ZNF79: variants seen among roughly 807,000 people sequenced by gnomAD.
ZNF79 encodes the protein zinc finger protein 79.
A neutral mutation model predicts 14.9 loss-of-function variants in ZNF79; 13 were observed. The observed-to-expected ratio is 0.87, with a 90% CI of 0.57 to 1.38. ZNF79 has a LOEUF of 1.38. Ranked by LOEUF, ZNF79 falls within the 40% of genes most tolerant of loss-of-function variation. The pLI is 0.00. For synonymous variants in ZNF79, 223 were observed against 235.1 expected (o/e 0.95, Z 0.47); for missense variants, 631 against 630.6 (o/e 1.00, Z -0.01).
rs1186290725 is a variant in ZNF79 at position 127,431,259 on chromosome 9, CT to C, written c.105+2353del. Among the ~76,000 whole-genome samples the C allele has an allele frequency of 2.3e-3, 312 of 138,098 alleles. 1 individual carries two copies. Among genetic ancestry groups the C allele is most frequent in the Middle Eastern group, 3.8e-3 (1 of 264 alleles). 90.6% of individuals were successfully genotyped at this position (138,098 alleles called of 152,430 possible). A position where few individuals can be genotyped will look rare whatever the true frequency, so the allele number is the denominator to read the frequency against. The stretch of plus-strand genomic sequence containing the variant: ...TCTGTTGATAGTTTCTTTTTCTTTT[CT>C]TTTTTTTTTTTTTAGAGACAGAGTC... On this transcript the variant is annotated intron_variant, in intron 2 of 4. Coordinates refer to ENST00000342483, the MANE Select transcript of ZNF79 (RefSeq NM_007135.3).
intron 4 of ZNF79, 123 bp from the exon 5 acceptor site, chr9:127,443,900 CAAAAAA>C (rs34006666): frequency 9.0e-4 from 316 of 350,402 alleles, no homozygotes; most frequent in East Asian, 1.1e-3. Context: ...GACTCCGTCT[CAAAAAA>C]AAAAAAAAAA....
chr9:127,440,792 C>G (rs1834035486), intron 4 of ZNF79, among the ~76,000 whole-genome samples: 1 of 152,044 alleles, frequency 6.6e-6, no homozygotes, highest in Middle Eastern at 3.2e-3. Flanking sequence ...GGTGTTAAAG[C>G]CAACAGGACT....
In ZNF79 at chr9:127,435,125, T is replaced by C; in HGVS notation, c.141T>C (p.Phe47=). 3 of 1,612,868 alleles carry C rather than the reference T, an allele frequency of 1.9e-6. No individual in the cohort carries two copies. Among genetic ancestry groups the C allele is most frequent in the Non-Finnish European group, 2.5e-6 (3 of 1,179,438 alleles). The part of the protein sequence containing the change: ...STFFSSVTVA[F]AQERWRCLVS... ...TCTTCAGCAGTGTGACGGTAGCTTT[T>C]GCACAGGAAAGGTGGAGGTGCCTCG... The change falls in exon 3 of 5, where the codon TTT becomes TTC. Residue 47 remains phenylalanine (F), a synonymous_variant. Coordinates refer to ENST00000342483, the MANE Select transcript of ZNF79 (RefSeq NM_007135.3).
At chr9:127,439,034 C>G (rs1340110616) in intron 4 of ZNF79, among the ~76,000 whole-genome samples, 2 of 151,866 alleles carry the variant, frequency 1.3e-5, no homozygotes, top group African/African-American at 4.8e-5. Context: ...ATCGCTTGAA[C>G]CCGGGAGGCA....
At position 127,428,834 on chromosome 9, in the gene ZNF79, CT is replaced by C; in HGVS notation, c.20del (p.Leu7ArgfsTer37). The C allele has an allele frequency of 6.3e-7, 1 of 1,592,634 alleles. No homozygotes were observed. ...TTAGTTTTTTTCTCTTTCTCTAGTA[CT>C]GCCTTCCCCAGGCCCTGCCCTTCCC... is the stretch of plus-strand genomic sequence containing the variant. MLEEGVLPSPGPALPQE... is the reference protein window; with the variant it reads MLEEGVXPSPGPALPQE... On this transcript the variant is annotated frameshift_variant, in exon 2 of 5. Transcript: ENST00000342483. LOFTEE classifies it high-confidence loss of function.
At chr9:127,432,336 G>C (rs1833875736) in intron 2 of ZNF79, among the ~76,000 whole-genome samples, 1 of 151,822 alleles carries the variant, frequency 6.6e-6, no homozygotes, top group South Asian at 2.1e-4. Context: ...TTTTAGTAGA[G>C]ACAGGGTTTC....
chr9:127,436,107 A>G, intron 4 of ZNF79, 104 bp downstream of exon 4: 2 of 910,348 alleles, frequency 2.2e-6, no homozygotes, highest in African/African-American at 1.6e-5. Context: ...GGTAGGCGCT[A>G]TTACCCCCAT....
chr9:127,431,539 G>A (rs958417876), intron 2 of ZNF79, among the ~76,000 whole-genome samples: 3 of 152,146 alleles, frequency 2.0e-5, no homozygotes, highest in African/African-American at 7.2e-5. Context: ...GTGAGCCACT[G>A]TGCCTGACCC....
chr9:127,438,527 C>T (rs571736249), intron 4 of ZNF79, among the ~76,000 whole-genome samples: 71 of 152,238 alleles, frequency 4.7e-4, no homozygotes, highest in Admixed American at 1.4e-3. Context: ...ATTGGATAGG[C>T]GTGATTGAAA....
At chr9:127,425,410 C>G (rs941250614) in intron 1 of ZNF79, among the ~76,000 whole-genome samples, 4 of 152,044 alleles carry the variant, frequency 2.6e-5, no homozygotes, top group Non-Finnish European at 5.9e-5. Flanking sequence ...TTGAAAGCAC[C>G]CTGAATGTGG....
Position 127,445,238 on chromosome 9 carries a change from G to T in ZNF79, c.*41G>T. ...AAGTGGAGAGAGTCCCGGACATGCCGACTCAGGACAGGTGGGTGAGGATCT... is the reference window on the plus strand; with the variant it reads ...AAGTGGAGAGAGTCCCGGACATGCCTACTCAGGACAGGTGGGTGAGGATCT... On this transcript the variant is annotated 3_prime_UTR_variant, in exon 5 of 5. Coordinates refer to ENST00000342483, the MANE Select transcript of ZNF79 (RefSeq NM_007135.3). 2 of 1,591,608 alleles carry T rather than the reference G, an allele frequency of 1.3e-6. No individual in the cohort carries two copies. Among genetic ancestry groups the T allele is most frequent in the South Asian group, 2.3e-5 (2 of 88,650 alleles).
Position 127,444,098 on chromosome 9 carries a change from T to C in ZNF79, c.398T>C (p.Val133Ala). 6.2e-7 allele frequency: 1 copy of C among 1,612,698 alleles called. No individual in the cohort carries two copies. The stretch of plus-strand genomic sequence containing the variant: ...GAAGCTTCATTCCAAGACCCATGTG[T>C]AGAGATGCCCCCTGGGGATTCAGAC... ...LSEASFQDPC[V>A]EMPPGDSDHG... is the part of the protein sequence containing the mutation. The change falls in exon 5 of 5, where the codon GTA becomes GCA. Residue 133 changes from valine (V) to alanine (A), a missense_variant. Physicochemically the swap from Val to Ala is moderately conservative, Grantham distance 64. Transcript: ENST00000342483.
At chr9:127,425,166 A>C (rs1398285189) in intron 1 of ZNF79, among the ~76,000 whole-genome samples, 1 of 152,052 alleles carries the variant, frequency 6.6e-6, no homozygotes, top group Non-Finnish European at 1.5e-5. Context: ...GCCCTTCTCG[A>C]AGCAGCCAGG....
At position 127,444,733 on chromosome 9, in the gene ZNF79, T is replaced by C; in HGVS notation, c.1033T>C (p.Cys345Arg). The C allele has an allele frequency of 2.6e-6, 4 of 1,554,432 alleles. No individual in the cohort carries two copies. The highest frequency in any genetic ancestry group is 1.1e-5 in the South Asian group (1 of 88,252). Residue 345 changes from cysteine (C) to arginine (R), a missense_variant, in exon 5 of 5, where the codon TGC becomes CGC. Physicochemically the swap from Cys to Arg is radical, Grantham distance 180. Transcript: ENST00000342483. ...CGAGTGTGGGAAGGCCTTCAGTTAC[T>C]GCGCAGCGTTCATTCAGCACCAGAG... ...CSECGKAFSY[C>R]AAFIQHQRIH... is the part of the protein sequence containing the mutation.
At position 127,444,174 on chromosome 9, in the gene ZNF79, T is replaced by A. The variant is rs760714486; in HGVS notation, c.474T>A (p.Ser158=). The change falls in exon 5 of 5, where the codon TCT becomes TCA. Residue 158 remains serine (S), a synonymous_variant. Coordinates refer to ENST00000342483, the MANE Select transcript of ZNF79 (RefSeq NM_007135.3). The stretch of plus-strand genomic sequence containing the variant: ...GCTTCAATCTGAGACCAGTCCTCTC[T>A]CCGCAACAGAGAGTGCCCGTGGAAG... The part of the protein sequence containing the change: ...EKSFNLRPVL[S]PQQRVPVEAR... 4.5e-5 allele frequency: 73 copies of A among 1,613,866 alleles called. No individual in the cohort carries two copies. The highest frequency in any genetic ancestry group is 6.8e-6 in the Non-Finnish European group (8 of 1,180,042).
chr9:127,428,909 G>T lies in ZNF79; in HGVS notation c.94G>T (p.Ala32Ser), dbSNP rs1228930153. 1 of 1,587,960 alleles carries T rather than the reference G, an allele frequency of 6.3e-7. No homozygotes were observed. Among genetic ancestry groups the T allele is most frequent in the Non-Finnish European group, 8.6e-7 (1 of 1,165,782 alleles). The change falls in exon 2 of 5, where the codon GCT (alanine) becomes TCT (serine). Residue 32 changes from alanine to serine, a missense_variant. Ala to Ser is a moderately conservative substitution (Grantham distance 99). Transcript: ENST00000342483. ...AGGAATGGCTGCTGGTCTCCTCACA[G>T]CTGGGCCCCGGGTAAGTTGGAAATT... ...EEGMAAGLLT[A>S]GPRGSTFFSS...
intron 1 of ZNF79, among the ~76,000 whole-genome samples, chr9:127,426,880 C>T (rs1047444109): frequency 6.6e-6 from 1 of 152,128 alleles, no homozygotes; most frequent in Non-Finnish European, 1.5e-5. Flanking sequence ...GAACTTTTTC[C>T]ACTGTGGCGG....
rs749217876 is a variant in ZNF79, at chr9:127,424,753, A to T, written c.-35A>T. On this transcript the variant is annotated 5_prime_UTR_variant, in exon 1 of 5. Coordinates refer to ENST00000342483, the MANE Select transcript of ZNF79 (RefSeq NM_007135.3). ...GTAGATAGACCCTTACGCCCAGAGA[A>T]CTGCTGGGAGGCTGTGGCGCGAGGC... 6.2e-7 allele frequency: 1 copy of T among 1,613,550 alleles called. No individual in the cohort carries two copies. Among genetic ancestry groups the T allele is most frequent in the Non-Finnish European group, 8.5e-7 (1 of 1,179,930 alleles).
chr9:127,444,619 TGCA>T lies in ZNF79; in HGVS notation c.922_924del (p.Ser308del). ...TCATACCGGAGAGAAGCCCTACGAA[TGCA>T]GCGACTGTGGGAAGGCCTTCCGTCA... is the stretch of plus-strand genomic sequence containing the variant. On this transcript the variant is annotated inframe_deletion, in exon 5 of 5. Transcript: ENST00000342483. 6.2e-7 allele frequency: 1 copy of T among 1,614,150 alleles called. No homozygotes were observed. Among genetic ancestry groups the T allele is most frequent in the Non-Finnish European group, 8.5e-7 (1 of 1,180,038 alleles).
Sources: allele counts gnomAD v4.1 joint callset (sites outside exome capture counted in the v4.1 genomes callset), GRCh38; gene constraint gnomAD v4.1.1; transcripts MANE v1.5; gene names NCBI Gene and HGNC (gene_info 2026-07-23, HGNC 2026-07-21).